The following KCNN3 variants were observed in gnomAD, a reference collection of about 807,000 sequenced individuals.
KCNN3 encodes the protein potassium calcium-activated channel subfamily N member 3.
A neutral mutation model predicts 62.9 loss-of-function variants in KCNN3; 16 were observed. That is an observed-to-expected ratio of 0.25 (90% CI 0.17 to 0.39). The LOEUF is 0.39. Among genes scored for constraint, KCNN3 ranks in the 10% least tolerant of loss-of-function variants. The probability of loss-of-function intolerance (pLI) is 1.00; values close to 1 mark genes in which losing one functional copy is unlikely to be tolerated. For missense variants in KCNN3, 599 were observed against 949.4 expected, an observed-to-expected ratio of 0.63 and a Z score of 4.85; for synonymous variants, 370 against 389.2, an observed-to-expected ratio of 0.95 and a Z score of 0.58.
intron 2 of KCNN3, among the ~76,000 whole-genome samples, chr1:154,818,256 C>T (rs983329604): frequency 1.1e-4 from 16 of 152,138 alleles, no homozygotes; most frequent in Admixed American, 2.0e-4. Flanking sequence ...GGCTACCATG[C>T]GGGAAACCAA....
chr1:154,714,381 G>T (rs1700171366), intron 6 of KCNN3, among the ~76,000 whole-genome samples: 1 of 145,992 alleles, frequency 6.8e-6, no homozygotes, highest in Non-Finnish European at 1.5e-5. Context: ...TGTGAGGTGT[G>T]TGTGGGGTGT....
chr1:154,747,474 T>C (rs896952640), intron 3 of KCNN3, among the ~76,000 whole-genome samples: 1 of 152,186 alleles, frequency 6.6e-6, no homozygotes, highest in South Asian at 2.1e-4. Context: ...TAATAGTAGT[T>C]GAAGGATTGA....
chr1:154,748,478 C>A (rs575684835), intron 3 of KCNN3, among the ~76,000 whole-genome samples: 1 of 152,250 alleles, frequency 6.6e-6, no homozygotes, highest in East Asian at 1.9e-4. Flanking sequence ...CTTCTCATTT[C>A]ATTTTATTTC....
intron 1 of KCNN3, among the ~76,000 whole-genome samples, chr1:154,830,833 T>C (rs1453177024): frequency 6.6e-6 from 1 of 152,108 alleles, no homozygotes; most frequent in Non-Finnish European, 1.5e-5. Context: ...TCCCATTGTG[T>C]GATGTCCCAA....
At chr1:154,826,280 A>G (rs1057119367) in intron 1 of KCNN3, among the ~76,000 whole-genome samples, 1 of 152,160 alleles carries the variant, frequency 6.6e-6, no homozygotes, top group Non-Finnish European at 1.5e-5. Context: ...GCCTCCATCC[A>G]TGTGGTCCCT....
chr1:154,787,761 C>T (rs139848943), intron 2 of KCNN3, among the ~76,000 whole-genome samples: 269 of 152,322 alleles, frequency 1.8e-3, no homozygotes, highest in African/African-American at 6.3e-3. Flanking sequence ...CCTTGTCTGC[C>T]TCCACCTTCT....
At position 154,772,091 on chromosome 1, in the gene KCNN3, G is replaced by A. The variant is rs1648584986; in HGVS notation, c.1332C>T (p.Asn444=). The A allele has an allele frequency of 6.2e-7, 1 of 1,614,242 alleles. No homozygotes were observed. Among genetic ancestry groups the A allele is most frequent in the East Asian group, 2.2e-5 (1 of 44,888 alleles). The change falls in exon 3 of 8, where the codon AAC becomes AAT. Residue 444 remains asparagine (N), a synonymous_variant. Transcript: ENST00000271915. The surrounding 1 kb of genome is among the most constrained non-coding windows in gnomAD (Gnocchi z 5.6). ...TCTTCATGACAAAGCGGGTGTTGAA[G>A]TTGATCTTGTTGAGGGCCCCGATGC... The part of the protein sequence containing the change: ...SRSIGALNKI[N]FNTRFVMKTL...
In KCNN3 at chr1:154,772,486, G is replaced by T; in HGVS notation, c.1030-93C>A. ...CAGGTGGGGCAGGCTGGGGCAGGCT[G>T]CTGGGCTCAGGTCAGCCTGACCACC... On this transcript the variant is annotated intron_variant, in intron 2 of 7. Transcript: ENST00000271915. The surrounding 1 kb of genome is among the most constrained non-coding windows in gnomAD (Gnocchi z 5.6). 7.6e-7 allele frequency: 1 copy of T among 1,311,866 alleles called. No individual in the cohort carries two copies. 81.3% of individuals were successfully genotyped at this position (1,311,866 alleles called of 1,614,324 possible).
At chr1:154,859,682 G>T (rs1176643283) in intron 1 of KCNN3, 1 of 1,613,216 alleles carries the variant, frequency 6.2e-7, no homozygotes. Context: ...GGTAACCTGG[G>T]CAGGGCACCC....
chr1:154,828,261 A>G (rs374739960), intron 1 of KCNN3, among the ~76,000 whole-genome samples: 4 of 152,260 alleles, frequency 2.6e-5, no homozygotes, highest in East Asian at 3.9e-4. Flanking sequence ...ACCTTCTCCG[A>G]AGTTCAGTTA....
intron 2 of KCNN3, among the ~76,000 whole-genome samples, chr1:154,820,101 A>G (rs1451714951): frequency 6.6e-6 from 1 of 152,238 alleles, no homozygotes; most frequent in Non-Finnish European, 1.5e-5. Context: ...GGGCTGAAAC[A>G]GAGATTGGCC....
At chr1:154,714,295 A>G (rs371508774) in intron 6 of KCNN3, among the ~76,000 whole-genome samples, 723 of 14,022 alleles carry the variant, frequency 0.052, no homozygotes, top group Admixed American at 0.058. Flanking sequence ...TGTGGTGTGT[A>G]TGGTGTGTGT....
intron 4 of KCNN3, among the ~76,000 whole-genome samples, chr1:154,731,154 C>G (rs920292424): frequency 3.3e-5 from 5 of 152,222 alleles, no homozygotes; most frequent in African/African-American, 1.2e-4. Context: ...GGTTCTGAGG[C>G]ACAAAGCCCC....
chr1:154,835,328 A>T (rs1400270429), intron 1 of KCNN3, among the ~76,000 whole-genome samples: 1 of 152,214 alleles, frequency 6.6e-6, no homozygotes, highest in East Asian at 1.9e-4. Context: ...GTCCCAGTTT[A>T]GACAATGAAT....
intron 3 of KCNN3, among the ~76,000 whole-genome samples, chr1:154,757,519 T>C (rs897689756): frequency 1.3e-5 from 2 of 152,216 alleles, no homozygotes; most frequent in African/African-American, 4.8e-5. Flanking sequence ...AGAATGGAAC[T>C]GTCAAGAGTG....
intron 2 of KCNN3, among the ~76,000 whole-genome samples, chr1:154,811,026 G>A (rs1174739729): frequency 2.0e-5 from 3 of 152,146 alleles, no homozygotes; most frequent in East Asian, 1.9e-4. Flanking sequence ...GCCTAACTAC[G>A]GGACTGTCGC....
intron 1 of KCNN3, among the ~76,000 whole-genome samples, chr1:154,850,306 C>G (rs1411916331): frequency 6.6e-6 from 1 of 152,218 alleles, no homozygotes; most frequent in Non-Finnish European, 1.5e-5. Flanking sequence ...GTCCTGCAAC[C>G]AACAAGGGTC....
At chr1:154,780,019 G>A (rs983068259) in intron 2 of KCNN3, among the ~76,000 whole-genome samples, 4 of 152,082 alleles carry the variant, frequency 2.6e-5, no homozygotes, top group Non-Finnish European at 4.4e-5. Context: ...GGACAGGGCC[G>A]TTCAGCTGCA....
chr1:154,768,540 T>A (rs920290024), intron 3 of KCNN3, among the ~76,000 whole-genome samples: 3 of 152,156 alleles, frequency 2.0e-5, no homozygotes, highest in Non-Finnish European at 2.9e-5. Context: ...CCTTAGGCGA[T>A]CCCTCAGGGA....
Sources: gnomAD v4.1 joint callset for allele counts (sites outside exome capture counted in the v4.1 genomes callset) on GRCh38, gnomAD v4.1.1 for gene constraint, Gnocchi (gnomAD v3.1) non-coding constraint, MANE v1.5 for transcripts, NCBI Gene and HGNC (gene_info 2026-07-23, HGNC 2026-07-21) for gene names.